Variants in NBEAL2 observed in about 807,000 individuals in gnomAD.
NBEAL2 encodes the protein neurobeachin like 2.
In NBEAL2, 160 loss-of-function variants were observed where a neutral mutation model predicts 299.8. The ratio of observed to expected loss-of-function variants is 0.53; its 90% CI spans 0.47 to 0.61. NBEAL2 has a LOEUF of 0.61. Ranked by LOEUF, NBEAL2 falls within the 20% of genes least tolerant of loss-of-function variation. NBEAL2 has a pLI of 0.00. For synonymous variants in NBEAL2, 1,493 were observed against 1,542.3 expected, an observed-to-expected ratio of 0.97 and a Z score of 0.75; for missense variants, 3,112 against 3,649.0, an observed-to-expected ratio of 0.85 and a Z score of 3.79.
At position 47,004,335 on chromosome 3, in the gene NBEAL2, A is replaced by G. The variant is rs778613401; in HGVS notation, c.6140A>G (p.Gln2047Arg). 13 of 1,608,016 alleles carry G rather than the reference A, an allele frequency of 8.1e-6. No homozygotes were observed. The highest frequency in any genetic ancestry group is 9.3e-6 in the Non-Finnish European group (11 of 1,176,514). Residue 2047 changes from glutamine (Q) to arginine (R), a missense_variant, in exon 37 of 54, where the codon CAA (glutamine) becomes CGA (arginine). Gln to Arg is a conservative substitution (Grantham distance 43, BLOSUM62 1). Transcript: ENST00000450053. This position sits in a 1 kb window ranked among gnomAD's most constrained non-coding sequence, Gnocchi z 5.0. ...CTCCTGCGCCTACGGCCCCCCTCTC[A>G]AGGCTACCTAAGCAGCCGCTCCCCC... ...SWLLRLRPPS[Q>R]GYLSSRSPQE...
In NBEAL2 at chr3:47,003,255, A is replaced by C; in HGVS notation, c.5666A>C (p.Glu1889Ala). ...GAGGCCAAAGTGAGCACCCCACCCG[A>C]GTTGCTGCAGGAGGACCAGCTCGGC... ...TKEAKVSTPPELLQEDQLGED... is the reference protein window; with the variant it reads ...TKEAKVSTPPALLQEDQLGED... Residue 1889 changes from glutamate (E) to alanine (A), a missense_variant, in exon 35 of 54, where the codon GAG becomes GCG. This residue lies in a region of NBEAL2 where 2,243 missense variants were observed against 2,538.1 expected (regional missense o/e 0.88). Transcript: ENST00000450053. This position sits in a 1 kb window ranked among gnomAD's most constrained non-coding sequence, Gnocchi z 7.0. 6 of 1,613,098 alleles carry C rather than the reference A, an allele frequency of 3.7e-6. No homozygotes were observed. The highest frequency in any genetic ancestry group is 5.1e-6 in the Non-Finnish European group (6 of 1,179,816).
chr3:46,991,643 T>G lies in NBEAL2; in HGVS notation c.880T>G (p.Ser294Ala), dbSNP rs558897595. 1 of 1,599,576 alleles carries G rather than the reference T, an allele frequency of 6.3e-7. No individual in the cohort carries two copies. The highest frequency in any genetic ancestry group is 1.3e-5 in the African/African-American group (1 of 75,022). Residue 294 changes from serine (S) to alanine (A), a missense_variant, in exon 8 of 54, where the codon TCA becomes GCA. Around this residue, in one of 3 missense-constraint regions of NBEAL2, gnomAD observed 2,243 missense variants for 2,538.1 expected, o/e 0.88. Coordinates refer to ENST00000450053, the MANE Select transcript of NBEAL2 (RefSeq NM_015175.3). This position sits in a 1 kb window ranked among gnomAD's most constrained non-coding sequence, Gnocchi z 6.2. ...LNADWPAGLS[S>A]GPEEALVTLR... ...TGCTGACTGGCCAGCTGGTCTGAGC[T>G]CAGGCCCCGAAGAGGCCCTTGTCAC...
chr3:47,005,666 G>A (rs1316109802), intron 41 of NBEAL2, 47 bp downstream of exon 41: 2 of 1,604,042 alleles, frequency 1.2e-6, no homozygotes, highest in African/African-American at 2.8e-5. Context: ...TAGGGATGGA[G>A]AGCAGATGGT....
At chr3:46,987,766 AGTCTT>A (rs1206425263) in intron 1 of NBEAL2, among the ~76,000 whole-genome samples, 1 of 152,108 alleles carries the variant, frequency 6.6e-6, no homozygotes, top group East Asian at 1.9e-4. Flanking sequence ...TTGTAAAACT[AGTCTT>A]GGCCCACAAG....
Position 46,989,486 on chromosome 3 carries a change from A to AT in NBEAL2, c.474-24dup. 1 of 1,577,480 alleles carries AT rather than the reference A, an allele frequency of 6.3e-7. No homozygotes were observed. On this transcript the variant is annotated intron_variant, in intron 5 of 53. Transcript: ENST00000450053. The surrounding 1 kb of genome is among the most constrained non-coding windows in gnomAD (Gnocchi z 5.5). Reference sequence around the variant, plus strand: ...GCCAGGAGTGGTGAGAGCCGGGCTGATGTACTTGGCCTCACTGCCCCCAGG... The same window carrying AT: ...GCCAGGAGTGGTGAGAGCCGGGCTGATTGTACTTGGCCTCACTGCCCCCAGG...
intron 40 of NBEAL2, 83 bp downstream of exon 40, chr3:47,005,404 G>A: frequency 1.9e-6 from 3 of 1,572,658 alleles, no homozygotes; most frequent in South Asian, 2.3e-5. Flanking sequence ...GCCCACCCCT[G>A]GCTCCCTTCT....
Position 47,007,567 on chromosome 3 carries a change from T to G in NBEAL2, c.7377T>G (p.Gly2459=). The change falls in exon 48 of 54, where the codon GGT becomes GGG. Residue 2459 remains glycine (G), a synonymous_variant. Transcript: ENST00000450053. The part of the protein sequence containing the change: ...LLSGPWVPGS[G]VSGQALAVAP... Reference sequence around the variant, plus strand: ...GTGGCCCGTGGGTGCCAGGCAGTGGTGTGAGTGGACAAGCACTGGCAGTGG... The same window carrying G: ...GTGGCCCGTGGGTGCCAGGCAGTGGGGTGAGTGGACAAGCACTGGCAGTGG... 3.1e-6 allele frequency: 5 copies of G among 1,612,314 alleles called. No homozygotes were observed. Among genetic ancestry groups the G allele is most frequent in the Non-Finnish European group, 4.2e-6 (5 of 1,179,614 alleles).
In NBEAL2 at chr3:46,988,569, A is replaced by C. The variant is rs1575587570; in HGVS notation, c.52-100A>C. ...AACCCCTTGTCCATGCCCTCTGTCC[A>C]CCTCCATTCATTCTTCGCCTCTGTC... On this transcript the variant is annotated intron_variant, in intron 1 of 53. Coordinates refer to ENST00000450053, the MANE Select transcript of NBEAL2 (RefSeq NM_015175.3). This position sits in a 1 kb window ranked among gnomAD's most constrained non-coding sequence, Gnocchi z 4.4. The C allele has an allele frequency of 1.2e-6, 1 of 840,356 alleles. No homozygotes were observed. Among genetic ancestry groups the C allele is most frequent in the Non-Finnish European group, 1.8e-6 (1 of 559,620 alleles). The allele number at this position is 840,356 out of a possible 1,614,324, so 52.1% of individuals were successfully genotyped here.
chr3:46,981,399 G>A (rs886395199), intron 1 of NBEAL2, among the ~76,000 whole-genome samples: 2 of 152,076 alleles, frequency 1.3e-5, no homozygotes, highest in Non-Finnish European at 2.9e-5. Flanking sequence ...CCGAGATCGC[G>A]CCACTGCACT....
chr3:46,992,849 A>G (rs2036208650), intron 10 of NBEAL2, among the ~76,000 whole-genome samples: 1 of 152,212 alleles, frequency 6.6e-6, no homozygotes, highest in Non-Finnish European at 1.5e-5. Context: ...AAGGGGAGAC[A>G]GAAGCCCAGA....
chr3:47,001,628 C>T lies in NBEAL2; in HGVS notation c.4645-61C>T, dbSNP rs566532211. On this transcript the variant is annotated intron_variant, in intron 29 of 53. Transcript: ENST00000450053. This position sits in a 1 kb window ranked among gnomAD's most constrained non-coding sequence, Gnocchi z 6.1. ...CCCAGCGCAAACTTTACTTTGCTCC[C>T]TTTCCATGGACTCCTGGCCTCCCCT... 5.0e-6 allele frequency: 8 copies of T among 1,595,922 alleles called. No individual in the cohort carries two copies. In the South Asian group the frequency reaches 8.8e-5, roughly 18 times the overall value.
chr3:46,996,181 C>A (rs993291265), intron 15 of NBEAL2, 90 bp from the exon 16 acceptor site: 4 of 1,564,062 alleles, frequency 2.6e-6, no homozygotes, highest in Non-Finnish European at 3.5e-6. Flanking sequence ...GGGGTCCATG[C>A]AGCCATGGGG....
rs2036898472 is a variant in NBEAL2, at chr3:47,000,522, A to G, written c.4305+118A>G. On this transcript the variant is annotated intron_variant, in intron 27 of 53. Coordinates refer to ENST00000450053, the MANE Select transcript of NBEAL2 (RefSeq NM_015175.3). The surrounding 1 kb of genome is among the most constrained non-coding windows in gnomAD (Gnocchi z 4.5). The stretch of plus-strand genomic sequence containing the variant: ...GCCCTGTCTGACCAGGGTTGCAGCC[A>G]CTGGTCAGGCCTATTGCTGTCCCCT... 5 of 1,309,706 alleles carry G rather than the reference A, an allele frequency of 3.8e-6. No homozygotes were observed. Among genetic ancestry groups the G allele is most frequent in the Non-Finnish European group, 4.2e-6 (4 of 957,040 alleles). 81.1% of individuals were successfully genotyped at this position (1,309,706 alleles called of 1,614,324 possible). A position where few individuals can be genotyped will look rare whatever the true frequency, so the allele number is the denominator to read the frequency against.
chr3:46,981,104 C>T (rs942753978), intron 1 of NBEAL2, among the ~76,000 whole-genome samples: 3 of 152,236 alleles, frequency 2.0e-5, no homozygotes, highest in African/African-American at 7.2e-5. Flanking sequence ...TTTGGTATAA[C>T]TCAGATCGAA....
chr3:47,000,642 G>A lies in NBEAL2; in HGVS notation c.4305+238G>A, dbSNP rs2036904219. On this transcript the variant is annotated intron_variant, in intron 27 of 53. Coordinates refer to ENST00000450053, the MANE Select transcript of NBEAL2 (RefSeq NM_015175.3). The surrounding 1 kb of genome is among the most constrained non-coding windows in gnomAD (Gnocchi z 4.5). ...GGGTGACACCAGCCAGGCTTCAGAA[G>A]GGCCCTCAAGAGAGCCTGTAGGGCA... 6.6e-6 allele frequency among the ~76,000 whole-genome samples: 1 copy of A among 152,170 alleles called. No homozygotes were observed.
At chr3:46,985,225 G>C (rs1182223759) in intron 1 of NBEAL2, among the ~76,000 whole-genome samples, 1 of 152,176 alleles carries the variant, frequency 6.6e-6, no homozygotes, top group Non-Finnish European at 1.5e-5. Context: ...GGTGAGGTGG[G>C]CACCACCCTA....
In NBEAL2 at chr3:47,003,195, C is replaced by T. The variant is rs776770776; in HGVS notation, c.5606C>T (p.Thr1869Ile). The T allele has an allele frequency of 2.5e-6, 4 of 1,610,406 alleles. No individual in the cohort carries two copies. In the African/African-American group the frequency reaches 5.3e-5, roughly 22 times the overall value. ...GCAGGTGAGGTTCCCCTGACACCCA[C>T]CGAGGAGGCCTCACTGCCTCTGGCA... is the stretch of plus-strand genomic sequence containing the variant. Reference protein sequence around the residue: ...DNLGEVPLTPTEEASLPLAVT... With the variant: ...DNLGEVPLTPIEEASLPLAVT... Residue 1869 changes from threonine (T) to isoleucine (I), a missense_variant, in exon 35 of 54, where the codon ACC becomes ATC. Around this residue, in one of 3 missense-constraint regions of NBEAL2, gnomAD observed 2,243 missense variants for 2,538.1 expected, o/e 0.88. Transcript: ENST00000450053. The surrounding 1 kb of genome is among the most constrained non-coding windows in gnomAD (Gnocchi z 7.0).
At position 46,995,806 on chromosome 3, in the gene NBEAL2, CCAT is replaced by C; in HGVS notation, c.1992_1994del (p.Met665del). 6.2e-7 allele frequency: 1 copy of C among 1,613,868 alleles called. No homozygotes were observed. Among genetic ancestry groups the C allele is most frequent in the African/African-American group, 1.3e-5 (1 of 75,036 alleles). ...GTGTGCACACGGAAGGAGTATTTGA[CCAT>C]GAGTTTGCCCGAAGTGTCCTTTGCC... is the stretch of plus-strand genomic sequence containing the variant. On this transcript the variant is annotated inframe_deletion, in exon 14 of 54. Coordinates refer to ENST00000450053, the MANE Select transcript of NBEAL2 (RefSeq NM_015175.3).
chr3:46,997,953 C>G (rs1187266364), intron 20 of NBEAL2, 114 bp from the exon 21 acceptor site: 3 of 1,344,968 alleles, frequency 2.2e-6, no homozygotes, highest in South Asian at 3.0e-5. Flanking sequence ...TCTGAGCAGG[C>G]TGGTGGCCAT....
Sources: gnomAD v4.1 joint callset for allele counts (sites outside exome capture counted in the v4.1 genomes callset) on GRCh38, gnomAD v4.1.1 for gene constraint, gnomAD v4.1.1 regional missense constraint, Gnocchi (gnomAD v3.1) non-coding constraint, MANE v1.5 for transcripts, NCBI Gene and HGNC (gene_info 2026-07-23, HGNC 2026-07-21) for gene names.